The following WDR37 variants were observed in gnomAD, a reference collection of about 807,000 sequenced individuals.
WDR37 encodes the protein WD repeat-containing protein 37.
A neutral mutation model predicts 62.9 loss-of-function variants in WDR37; 19 were observed. The ratio of observed to expected loss-of-function variants is 0.30; its 90% CI spans 0.21 to 0.44. The LOEUF (loss-of-function observed/expected upper bound fraction) is 0.44. Among genes scored for constraint, WDR37 ranks in the 20% least tolerant of loss-of-function variants. WDR37 has a pLI of 1.00. For synonymous variants in WDR37, 250 were observed against 260.9 expected, an observed-to-expected ratio of 0.96 and a Z score of 0.40; for missense variants, 474 against 657.6, an observed-to-expected ratio of 0.72 and a Z score of 3.05.
chr10:1,074,854 C>T (rs963262682), intron 2 of WDR37, among the ~76,000 whole-genome samples: 1 of 152,240 alleles, frequency 6.6e-6, no homozygotes, highest in Admixed American at 6.5e-5. Context: ...AAGCCAGGTT[C>T]GCGCAGGCGC....
At chr10:1,107,907 C>CT (rs1835075607) in intron 11 of WDR37, among the ~76,000 whole-genome samples, 1 of 147,158 alleles carries the variant, frequency 6.8e-6, no homozygotes, top group Admixed American at 6.7e-5. Flanking sequence ...ACTGCTGTCT[C>CT]TATTTACACA....
In WDR37 at chr10:1,103,671, G is replaced by A. The variant is rs1295235284; in HGVS notation, c.796G>A (p.Asp266Asn). ...CGACCTCGATGGGGATGTGTCCAGC[G>A]ACTGCCCCACCATCCGCGTCCCACT... Reference protein sequence around the residue: ...EPDLDGDVSSDCPTIRVPLTS... With the variant: ...EPDLDGDVSSNCPTIRVPLTS... Residue 266 changes from aspartate to asparagine, a missense_variant, in exon 10 of 14, where the codon GAC becomes AAC. Physicochemically the swap from Asp to Asn is conservative, Grantham distance 23. Transcript: ENST00000263150. The surrounding 1 kb of genome is among the most constrained non-coding windows in gnomAD (Gnocchi z 6.3). 2.5e-6 allele frequency: 4 copies of A among 1,614,106 alleles called. No individual in the cohort carries two copies. Among genetic ancestry groups the A allele is most frequent in the Admixed American group, 1.7e-5 (1 of 60,014 alleles).
At chr10:1,086,432 A>G (rs1196495608) in intron 7 of WDR37, 75 bp downstream of exon 7, 1 of 1,196,100 alleles carries the variant, frequency 8.4e-7, no homozygotes, top group African/African-American at 1.5e-5. Flanking sequence ...CGTGCATGAT[A>G]AAGCCAGCTG....
intron 11 of WDR37, among the ~76,000 whole-genome samples, chr10:1,114,237 G>A (rs935268752): frequency 4.6e-5 from 7 of 152,058 alleles, no homozygotes; most frequent in Admixed American, 2.6e-4. Flanking sequence ...GATTACAGGC[G>A]TGAGCCACCA....
At position 1,103,850 on chromosome 10, in the gene WDR37, C is replaced by T. The variant is rs774155105; in HGVS notation, c.961+14C>T. The stretch of plus-strand genomic sequence containing the variant: ...ACTCTCTGACAGGTGCCTGGGTTCT[C>T]TGAGTCCGCCGCCTCCTGGCTGTGC... On this transcript the variant is annotated intron_variant, in intron 10 of 13. Transcript: ENST00000263150. The surrounding 1 kb of genome is among the most constrained non-coding windows in gnomAD (Gnocchi z 6.3). The T allele has an allele frequency of 3.1e-6, 5 of 1,612,514 alleles. No individual in the cohort carries two copies. In the Admixed American group the frequency reaches 5.0e-5, roughly 16 times the overall value.
At chr10:1,073,070 A>G (rs1190332734) in intron 2 of WDR37, among the ~76,000 whole-genome samples, 2 of 152,208 alleles carry the variant, frequency 1.3e-5, no homozygotes, top group Non-Finnish European at 2.9e-5. Context: ...ATTATTTTTG[A>G]TAAAGATAAG....
chr10:1,097,780 C>T (rs1834638390), intron 9 of WDR37, among the ~76,000 whole-genome samples: 1 of 152,198 alleles, frequency 6.6e-6, no homozygotes, highest in African/African-American at 2.4e-5. Context: ...GCCCCACCAC[C>T]CTTTCCCTGT....
At position 1,090,854 on chromosome 10, in the gene WDR37, G is replaced by A. The variant is rs1057496497; in HGVS notation, c.605-2598G>A. On this transcript the variant is annotated intron_variant, in intron 7 of 13. Transcript: ENST00000263150. Reference sequence around the variant, plus strand: ...TGGCATCCCCGTTTCTGCTCCCCTCGTGGCCACTGTGGATTGGGTCAGGTG... The same window carrying A: ...TGGCATCCCCGTTTCTGCTCCCCTCATGGCCACTGTGGATTGGGTCAGGTG... Among the ~76,000 whole-genome samples, 4 of 152,122 alleles carry A rather than the reference G, an allele frequency of 2.6e-5. No individual in the cohort carries two copies. In the South Asian group the frequency reaches 6.2e-4, roughly 24 times the overall value.
At chr10:1,071,797 T>C (rs1833737982) in intron 1 of WDR37, among the ~76,000 whole-genome samples, 1 of 152,210 alleles carries the variant, frequency 6.6e-6, no homozygotes, top group Admixed American at 6.5e-5. Flanking sequence ...GCAATTAACA[T>C]TGGTTCCCTC....
intron 2 of WDR37, 103 bp downstream of exon 2, chr10:1,072,396 C>T: frequency 6.8e-7 from 1 of 1,463,868 alleles, no homozygotes; most frequent in Non-Finnish European, 9.3e-7. Flanking sequence ...CCGCTCACAA[C>T]CTCCACCTCC....
chr10:1,077,363 T>C (rs1833908772), intron 2 of WDR37, among the ~76,000 whole-genome samples: 1 of 152,220 alleles, frequency 6.6e-6, no homozygotes, highest in South Asian at 2.1e-4. Context: ...AATAGACATT[T>C]GGCTCTTTTT....
chr10:1,123,418 C>A (rs1036181818), intron 11 of WDR37, among the ~76,000 whole-genome samples: 2 of 152,134 alleles, frequency 1.3e-5, no homozygotes, highest in African/African-American at 2.4e-5. Flanking sequence ...ACTATTCATG[C>A]CCATCCCCCA....
chr10:1,068,411 T>G (rs367940698), intron 1 of WDR37, among the ~76,000 whole-genome samples: 9 of 150,676 alleles, frequency 6.0e-5, no homozygotes, highest in African/African-American at 2.2e-4. Flanking sequence ...GAGCCGAGAT[T>G]GAGCCACTGC....
At chr10:1,068,175 C>T (rs1833611035) in intron 1 of WDR37, among the ~76,000 whole-genome samples, 2 of 152,100 alleles carry the variant, frequency 1.3e-5, no homozygotes, top group South Asian at 4.1e-4. Flanking sequence ...AGTAGGGTGA[C>T]TATCCTTAAG....
rs1484299815 is a variant in WDR37 at position 1,105,308 on chromosome 10, A to G, written c.1103+41A>G. ...TTAGACATCTGTCCTTAGTCATGAA[A>G]AAGTTCTGTGGGTTGACATGAAAAC... On this transcript the variant is annotated intron_variant, in intron 11 of 13. Coordinates refer to ENST00000263150, the MANE Select transcript of WDR37 (RefSeq NM_014023.4). This position sits in a 1 kb window ranked among gnomAD's most constrained non-coding sequence, Gnocchi z 5.3. 1 of 1,585,378 alleles carries G rather than the reference A, an allele frequency of 6.3e-7. No homozygotes were observed. The highest frequency in any genetic ancestry group is 1.3e-5 in the African/African-American group (1 of 74,482).
At chr10:1,066,478 T>C (rs1411845127) in intron 1 of WDR37, among the ~76,000 whole-genome samples, 1 of 152,212 alleles carries the variant, frequency 6.6e-6, no homozygotes, top group Non-Finnish European at 1.5e-5. Context: ...AAATAAATAC[T>C]GTATTCATAG....
In WDR37 at chr10:1,064,564, AATTTG is replaced by A. The variant is rs562377546; in HGVS notation, c.-40-7550_-40-7546del. Among the ~76,000 whole-genome samples the A allele has an allele frequency of 7.4e-5, 11 of 148,318 alleles. 2 individuals are homozygous for A. In the South Asian group the frequency reaches 2.4e-3, roughly 32 times the overall value. On this transcript the variant is annotated intron_variant, in intron 1 of 13. Coordinates refer to ENST00000263150, the MANE Select transcript of WDR37 (RefSeq NM_014023.4). ...TACCACTTGACCTGTAGTGGGAAAC[AATTTG>A]AGTGACAATGGATCTTTTTTTTTTT...
chr10:1,110,779 A>G (rs1041651897), intron 11 of WDR37, among the ~76,000 whole-genome samples: 32 of 152,310 alleles, frequency 2.1e-4, no homozygotes, highest in Admixed American at 1.7e-3. Context: ...TGCAGTGGCC[A>G]CGGCATCGCC....
chr10:1,068,849 T>C (rs1833635091), intron 1 of WDR37, among the ~76,000 whole-genome samples: 2 of 152,352 alleles, frequency 1.3e-5, no homozygotes, highest in South Asian at 4.1e-4. Context: ...TCAGTTGTAT[T>C]TGGCAATAAA....
Sources: gnomAD v4.1 joint callset for allele counts (sites outside exome capture counted in the v4.1 genomes callset) on GRCh38, gnomAD v4.1.1 for gene constraint, Gnocchi (gnomAD v3.1) non-coding constraint, MANE v1.5 for transcripts, NCBI Gene and HGNC (gene_info 2026-07-23, HGNC 2026-07-21) for gene names.